Variants in IL1RAPL1 observed in about 807,000 individuals in gnomAD.
The protein encoded by IL1RAPL1 is interleukin-1 receptor accessory protein-like 1.
In IL1RAPL1, 3 loss-of-function variants were observed where a neutral mutation model predicts 48.4. The ratio of observed to expected loss-of-function variants is 0.06; its 90% CI spans 0.03 to 0.16. IL1RAPL1 has a LOEUF of 0.16. IL1RAPL1 is among the 10% of genes least tolerant of loss of function. The pLI is 1.00. For synonymous variants in IL1RAPL1, 185 were observed against 187.7 expected (o/e 0.99, Z 0.12); for missense variants, 349 against 530.6 (o/e 0.66, Z 3.36).
chrX:29,652,494 A>T (rs1293890730), intron 5 of IL1RAPL1, among the ~76,000 whole-genome samples: 1 of 111,552 alleles, frequency 9.0e-6, no homozygotes, highest in African/African-American at 3.3e-5. Context: ...GGGCATTCTA[A>T]ATGATTCCAA....
At chrX:29,795,527 C>T (rs1296316965) in intron 6 of IL1RAPL1, among the ~76,000 whole-genome samples, 1 of 112,039 alleles carries the variant, frequency 8.9e-6, no homozygotes, top group Non-Finnish European at 1.9e-5. Context: ...CCTCCCACCT[C>T]AGCCTCCTGA....
chrX:29,555,135 G>A (rs764941854), intron 5 of IL1RAPL1, among the ~76,000 whole-genome samples: 1 of 112,131 alleles, frequency 8.9e-6, no homozygotes, highest in Non-Finnish European at 1.9e-5. Flanking sequence ...ATTCATGCCA[G>A]GCCTCTAAAT....
At chrX:28,860,945 A>G (rs1345520529) in intron 2 of IL1RAPL1, among the ~76,000 whole-genome samples, 2 of 111,433 alleles carry the variant, frequency 1.8e-5, no homozygotes, top group African/African-American at 6.5e-5. Context: ...TGTTTTTTAC[A>G]GTGTAAAAGA....
In IL1RAPL1 at chrX:28,977,881, A is replaced by C. The variant is rs747123769; in HGVS notation, c.82+188456A>C. ...CTGAGGCAGGAGAATTGCTCGAACC[A>C]GGACCCGGGGGGTGGAGGTTGCAGT... On this transcript the variant is annotated intron_variant, in intron 2 of 10. Coordinates refer to ENST00000378993, the MANE Select transcript of IL1RAPL1 (RefSeq NM_014271.4). 1.4e-3 allele frequency among the ~76,000 whole-genome samples: 155 copies of C among 111,822 alleles called. 1 individual carries two copies. The highest frequency in any genetic ancestry group is 3.1e-3 in the Admixed American group (33 of 10,531).
At chrX:28,740,818 T>A (rs190230749) in intron 1 of IL1RAPL1, among the ~76,000 whole-genome samples, 1 of 112,071 alleles carries the variant, frequency 8.9e-6, no homozygotes, top group Non-Finnish European at 1.9e-5. Flanking sequence ...GCTACAAGGA[T>A]TTGATTTCAA....
chrX:29,393,526 CCT>C (rs1361149445), intron 3 of IL1RAPL1, among the ~76,000 whole-genome samples: 53 of 107,240 alleles, frequency 4.9e-4, no homozygotes, highest in Admixed American at 7.0e-4. Context: ...CTTGACCCTG[CCT>C]CTCTCTCTCT....
intron 5 of IL1RAPL1, among the ~76,000 whole-genome samples, chrX:29,553,025 T>C (rs1921871440): frequency 9.0e-6 from 1 of 110,733 alleles, no homozygotes; most frequent in Admixed American, 9.7e-5. Context: ...TTGCCTACTT[T>C]TTCCTATAGC....
chrX:29,907,460 T>A (rs904374500), intron 6 of IL1RAPL1, among the ~76,000 whole-genome samples: 3 of 111,202 alleles, frequency 2.7e-5, no homozygotes, highest in African/African-American at 9.8e-5. Context: ...AATATTTAAC[T>A]CTAATAAATC....
chrX:28,664,135 CAAAA>C (rs1006211974), intron 1 of IL1RAPL1, among the ~76,000 whole-genome samples: 15 of 111,693 alleles, frequency 1.3e-4, no homozygotes, highest in Non-Finnish European at 2.6e-4. Flanking sequence ...TCTACGCAAA[CAAAA>C]AAGACAACAA....
chrX:28,659,521 C>A, intron 1 of IL1RAPL1: 1 of 465,424 alleles, frequency 2.1e-6, no homozygotes, highest in South Asian at 3.0e-5. Flanking sequence ...TGGAGCTCGG[C>A]GAGCTAGAGG....
At chrX:28,652,614 A>G (rs1474143155) in intron 1 of IL1RAPL1, among the ~76,000 whole-genome samples, 1 of 111,993 alleles carries the variant, frequency 8.9e-6, no homozygotes, top group African/African-American at 3.2e-5. Context: ...GGGGGACCAC[A>G]ATCGCCTTAT....
intron 9 of IL1RAPL1, among the ~76,000 whole-genome samples, chrX:29,952,909 T>C (rs1158745810): frequency 8.9e-6 from 1 of 111,999 alleles, no homozygotes; most frequent in Non-Finnish European, 1.9e-5. Flanking sequence ...GTGTTAACTT[T>C]ACATGTAGCA....
At chrX:28,941,632 G>A (rs779309954) in intron 2 of IL1RAPL1, among the ~76,000 whole-genome samples, 3 of 111,027 alleles carry the variant, frequency 2.7e-5, no homozygotes, top group South Asian at 7.5e-4. Flanking sequence ...AAAGATGCAA[G>A]CTTATTAAAA....
rs148333162 is a variant in IL1RAPL1, at chrX:29,571,705, G to T, written c.704-96725G>T. On this transcript the variant is annotated intron_variant, in intron 5 of 10. Coordinates refer to ENST00000378993, the MANE Select transcript of IL1RAPL1 (RefSeq NM_014271.4). Reference sequence around the variant, plus strand: ...GTTACATTTCAGTAATTGTTTTGTGGCATACAGTTACATATTCTTTCTGGG... The same window carrying T: ...GTTACATTTCAGTAATTGTTTTGTGTCATACAGTTACATATTCTTTCTGGG... Among the ~76,000 whole-genome samples, 1,024 of 111,254 alleles carry T rather than the reference G, an allele frequency of 9.2e-3. 12 individuals are homozygous for T. The highest frequency in any genetic ancestry group is 0.032 in the African/African-American group (969 of 30,642).
chrX:29,860,409 G>A (rs780137250), intron 6 of IL1RAPL1, among the ~76,000 whole-genome samples: 3 of 111,075 alleles, frequency 2.7e-5, no homozygotes, highest in Non-Finnish European at 3.8e-5. Flanking sequence ...TGTGCAGAAC[G>A]TGCAGGTTTA....
intron 5 of IL1RAPL1, among the ~76,000 whole-genome samples, chrX:29,602,945 A>C (rs1036669325): frequency 3.6e-5 from 4 of 112,410 alleles, no homozygotes; most frequent in Middle Eastern, 4.6e-3. Flanking sequence ...AATTTATTTC[A>C]GTGGTTATAA....
At chrX:28,970,725 A>C (rs1925049391) in intron 2 of IL1RAPL1, among the ~76,000 whole-genome samples, 2 of 111,843 alleles carry the variant, frequency 1.8e-5, no homozygotes, top group Non-Finnish European at 3.8e-5. Flanking sequence ...TTTTTAAAAA[A>C]ACTAACTTTT....
At chrX:29,413,911 A>G (rs1211320918) in intron 5 of IL1RAPL1, among the ~76,000 whole-genome samples, 1 of 110,617 alleles carries the variant, frequency 9.0e-6, no homozygotes, top group Non-Finnish European at 1.9e-5. Flanking sequence ...AAATGCATAC[A>G]TACGTATGTA....
intron 5 of IL1RAPL1, among the ~76,000 whole-genome samples, chrX:29,584,495 C>G (rs190701220): frequency 4.3e-4 from 48 of 111,675 alleles, no homozygotes; most frequent in African/African-American, 1.2e-3. Flanking sequence ...AGGCCTTCAA[C>G]TCCACCGCTT....
Sources: gnomAD v4.1 joint callset for allele counts (sites outside exome capture counted in the v4.1 genomes callset) on GRCh38, gnomAD v4.1.1 for gene constraint, MANE v1.5 for transcripts, NCBI Gene and HGNC (gene_info 2026-07-23, HGNC 2026-07-21) for gene names.